Variants in UBAC2 observed in about 807,000 individuals in gnomAD.
The protein encoded by UBAC2 is UBA domain containing 2.
A neutral mutation model predicts 44.0 loss-of-function variants in UBAC2; 26 were observed. The observed-to-expected ratio is 0.59, with a 90% CI of 0.43 to 0.82. UBAC2 has a LOEUF of 0.82. UBAC2 is among the 40% of genes least tolerant of loss of function. The pLI is 0.00. For missense variants in UBAC2, 329 were observed against 419.4 expected, an observed-to-expected ratio of 0.78 and a Z score of 1.88; for synonymous variants, 155 against 154.3, an observed-to-expected ratio of 1.00 and a Z score of -0.04.
At position 99,340,261 on chromosome 13, in the gene UBAC2, T is replaced by C. The variant is rs1429690728; in HGVS notation, c.562-59T>C. 11 of 1,583,888 alleles carry C rather than the reference T, an allele frequency of 6.9e-6. No homozygotes were observed. In the Admixed American group the frequency reaches 1.4e-4, roughly 20 times the overall value. On this transcript the variant is annotated intron_variant, in intron 6 of 8. Coordinates refer to ENST00000403766, the MANE Select transcript of UBAC2 (RefSeq NM_001144072.2). ...CTGGAGGCTGCTGATTTTTGAGTCG[T>C]GTACATTTTTTAAAATAATACTACA...
At chr13:99,248,457 T>C (rs1318835346) in intron 4 of UBAC2, among the ~76,000 whole-genome samples, 2 of 151,570 alleles carry the variant, frequency 1.3e-5, no homozygotes, top group Non-Finnish European at 2.9e-5. Flanking sequence ...AATGGCGTGA[T>C]TTCTGCTCAC....
chr13:99,316,937 T>C (rs1291611499), intron 5 of UBAC2, among the ~76,000 whole-genome samples: 1 of 152,204 alleles, frequency 6.6e-6, no homozygotes, highest in Non-Finnish European at 1.5e-5. Context: ...CTTTCTATTT[T>C]TAGAAGAAAA....
At chr13:99,255,628 T>A (rs778250186) in intron 4 of UBAC2, 5 of 1,614,104 alleles carry the variant, frequency 3.1e-6, no homozygotes, top group Non-Finnish European at 4.2e-6. Flanking sequence ...ATCTTTTGCA[T>A]AATAAAACAT....
At chr13:99,306,365 G>A (rs773102924) in intron 4 of UBAC2, among the ~76,000 whole-genome samples, 2 of 152,162 alleles carry the variant, frequency 1.3e-5, no homozygotes, top group African/African-American at 2.4e-5. Context: ...CCATTTTACA[G>A]GTAAAGCAGC....
At chr13:99,272,858 T>TTG (rs1031242409) in intron 4 of UBAC2, among the ~76,000 whole-genome samples, 11 of 152,088 alleles carry the variant, frequency 7.2e-5, no homozygotes, top group African/African-American at 2.7e-4. Flanking sequence ...AGCATGTATA[T>TTG]TGTGTGTGTA....
At chr13:99,233,486 G>A (rs987756839) in intron 1 of UBAC2, among the ~76,000 whole-genome samples, 1 of 152,268 alleles carries the variant, frequency 6.6e-6, no homozygotes, top group East Asian at 1.9e-4. Flanking sequence ...GTCTTGGGCA[G>A]GGCGGGTATA....
At chr13:99,319,360 T>A (rs1215822007) in intron 6 of UBAC2, among the ~76,000 whole-genome samples, 1 of 152,236 alleles carries the variant, frequency 6.6e-6, no homozygotes. Context: ...CAGAATGGAT[T>A]CATAATAATA....
At chr13:99,242,368 C>G (rs1209702052) in intron 2 of UBAC2, among the ~76,000 whole-genome samples, 4 of 146,174 alleles carry the variant, frequency 2.7e-5, no homozygotes, top group East Asian at 2.1e-4. Context: ...GGCGGCTGTC[C>G]GGGCAGAGGG....
chr13:99,377,074 G>T (rs2045490309), intron 8 of UBAC2: 1 of 152,326 alleles, frequency 6.6e-6, no homozygotes, highest in African/African-American at 2.4e-5. Context: ...TGTCCTACCA[G>T]CATTCTCATT....
chr13:99,216,313 C>T (rs1207039578), intron 1 of UBAC2, among the ~76,000 whole-genome samples: 2 of 152,124 alleles, frequency 1.3e-5, no homozygotes, highest in Non-Finnish European at 2.9e-5. Flanking sequence ...CCATGTTGGC[C>T]AGGCTGGTCT....
At chr13:99,367,647 G>C in intron 7 of UBAC2, 140 bp from the exon 8 acceptor site, 2 of 1,197,008 alleles carry the variant, frequency 1.7e-6, no homozygotes, top group Non-Finnish European at 2.4e-6. Flanking sequence ...TTTTGAATTT[G>C]AATTGCTTGC....
chr13:99,242,872 G>A (rs1465276990), intron 2 of UBAC2, among the ~76,000 whole-genome samples: 5 of 148,782 alleles, frequency 3.4e-5, no homozygotes, highest in Admixed American at 6.7e-5. Context: ...CCTCCCAGAC[G>A]GGGCGGCGGG....
chr13:99,206,440 G>A (rs2042873484), intron 1 of UBAC2, among the ~76,000 whole-genome samples: 1 of 152,224 alleles, frequency 6.6e-6, no homozygotes, highest in Non-Finnish European at 1.5e-5. Context: ...CTTCTTCCAC[G>A]GAATCACGCG....
chr13:99,345,170 C>A (rs951598422), intron 7 of UBAC2, among the ~76,000 whole-genome samples: 1 of 152,024 alleles, frequency 6.6e-6, no homozygotes, highest in Admixed American at 6.5e-5. Context: ...CTCCAGGAGC[C>A]CTGTGATTGA....
At chr13:99,217,067 G>A (rs2043004954) in intron 1 of UBAC2, among the ~76,000 whole-genome samples, 1 of 152,170 alleles carries the variant, frequency 6.6e-6, no homozygotes, top group African/African-American at 2.4e-5. Context: ...CTGACCTTGG[G>A]TGATCTGCCT....
chr13:99,233,554 A>G (rs569930015), intron 1 of UBAC2, among the ~76,000 whole-genome samples: 1 of 152,174 alleles, frequency 6.6e-6, no homozygotes, highest in Non-Finnish European at 1.5e-5. Flanking sequence ...GCAGGCGTTG[A>G]GGGCCCTGGT....
chr13:99,217,951 A>G (rs1006531106), intron 1 of UBAC2, among the ~76,000 whole-genome samples: 1 of 152,088 alleles, frequency 6.6e-6, no homozygotes, highest in Admixed American at 6.5e-5. Context: ...TTTTCTTGCC[A>G]CTAACCACGC....
chr13:99,351,610 C>G (rs1336589080), intron 7 of UBAC2: 4 of 456,654 alleles, frequency 8.8e-6, no homozygotes, highest in African/African-American at 2.0e-5. Flanking sequence ...CCAATCCTCT[C>G]TCTGTTGGCT....
At chr13:99,236,825 G>A (rs1362908285) in intron 1 of UBAC2, among the ~76,000 whole-genome samples, 1 of 152,030 alleles carries the variant, frequency 6.6e-6, no homozygotes, top group Non-Finnish European at 1.5e-5. Flanking sequence ...ACTCCAGCCT[G>A]GGCGAAAGAG....
Sources: allele counts gnomAD v4.1 joint callset (sites outside exome capture counted in the v4.1 genomes callset), GRCh38; gene constraint gnomAD v4.1.1; transcripts MANE v1.5; gene names NCBI Gene and HGNC (gene_info 2026-07-23, HGNC 2026-07-21).